SEC31A: variants seen among roughly 807,000 people sequenced by gnomAD.
SEC31A encodes the protein protein transport protein Sec31A.
Under a neutral mutation model 151.0 loss-of-function variants are expected in SEC31A, and 70 were observed. The observed-to-expected ratio is 0.46, with a 90% CI of 0.38 to 0.57. SEC31A has a LOEUF of 0.57. Ranked by LOEUF, SEC31A falls within the 20% of genes least tolerant of loss-of-function variation. The pLI is 0.00. For synonymous variants in SEC31A, 475 were observed against 505.9 expected (o/e 0.94, Z 0.82); for missense variants, 1,330 against 1,471.2 (o/e 0.90, Z 1.57).
chr4:82,877,497 G>A (rs889320541), intron 4 of SEC31A: 1 of 151,538 alleles, frequency 6.6e-6, no homozygotes, highest in African/African-American at 2.4e-5. Context: ...ACCTACCTCA[G>A]CCTCCCGTGT....
intron 12 of SEC31A, 64 bp downstream of exon 12, chr4:82,863,254 G>T: frequency 1.1e-6 from 1 of 943,862 alleles, no homozygotes; most frequent in South Asian, 1.5e-5. Context: ...AATCTGTGTA[G>T]AACTTTATTT....
chr4:82,864,199 T>C (rs1734799415), intron 11 of SEC31A, among the ~76,000 whole-genome samples, 163 bp downstream of exon 11: 1 of 152,166 alleles, frequency 6.6e-6, no homozygotes. Flanking sequence ...ACTCTGGACA[T>C]AAGTTAGGTT....
intron 3 of SEC31A, chr4:82,899,401 T>G (rs949567630): frequency 6.6e-6 from 1 of 152,258 alleles, no homozygotes; most frequent in Non-Finnish European, 1.5e-5. Context: ...CAACTAATTT[T>G]TTCCTTAAAG....
At chr4:82,851,284 T>C in intron 19 of SEC31A, 147 bp downstream of exon 19, 3 of 599,784 alleles carry the variant, frequency 5.0e-6, no homozygotes, top group South Asian at 2.4e-5. Context: ...CCCTGAAGAA[T>C]TGTCAATAAC....
intron 22 of SEC31A, among the ~76,000 whole-genome samples, chr4:82,837,196 TA>T (rs1727566452): frequency 1.6e-5 from 1 of 61,562 alleles, no homozygotes; most frequent in Non-Finnish European, 4.6e-5. Flanking sequence ...TATATATATA[TA>T]TAATTTCACC....
Position 82,877,178 on chromosome 4 carries a change from A to G in SEC31A, c.403-1356T>C, listed in dbSNP as rs541451117. Among the ~76,000 whole-genome samples the G allele has an allele frequency of 7.2e-5, 11 of 152,270 alleles. No individual in the cohort carries two copies. The South Asian group carries it at 2.3e-3, about 32-fold the overall frequency. On this transcript the variant is annotated intron_variant, in intron 4 of 26. Coordinates refer to ENST00000395310, the MANE Select transcript of SEC31A (RefSeq NM_001077207.4). ...CAGGAGGTCAAGACTGCAGTGAGTC[A>G]TGAGCCACTGCAGTCCAGCCTGGCA...
At chr4:82,858,831 T>C (rs1014209628) in intron 14 of SEC31A, among the ~76,000 whole-genome samples, 2 of 151,482 alleles carry the variant, frequency 1.3e-5, no homozygotes, top group Non-Finnish European at 2.9e-5. Flanking sequence ...GCCTCCCGAG[T>C]AGCTGGGACT....
chr4:82,890,201 CAAAAAAAAAAAA>C, intron 1 of SEC31A, among the ~76,000 whole-genome samples: 1 of 74,932 alleles, frequency 1.3e-5, no homozygotes, highest in Non-Finnish European at 2.5e-5. Context: ...GACTCCGTCT[CAAAAAAAAAAAA>C]AAAAAAAAAA....
chr4:82,890,210 A>G, intron 1 of SEC31A, among the ~76,000 whole-genome samples: 1 of 151,322 alleles, frequency 6.6e-6, no homozygotes, highest in East Asian at 1.9e-4. Context: ...TCAAAAAAAA[A>G]AAAAAAAAAA....
At chr4:82,834,741 C>T (rs1361417092) in intron 22 of SEC31A, among the ~76,000 whole-genome samples, 1 of 152,068 alleles carries the variant, frequency 6.6e-6, no homozygotes, top group African/African-American at 2.4e-5. Flanking sequence ...ATTTAATGTA[C>T]AATTTTGTCT....
chr4:82,849,340 C>T (rs1052751298), intron 19 of SEC31A, among the ~76,000 whole-genome samples: 10 of 152,196 alleles, frequency 6.6e-5, no homozygotes, highest in Middle Eastern at 3.4e-3. Flanking sequence ...TAAGGCCAGG[C>T]GCAGAGGTTC....
Position 82,840,808 on chromosome 4 carries a change from A to T in SEC31A, c.2968+1332T>A, listed in dbSNP as rs143487528. Among the ~76,000 whole-genome samples, 279 of 152,314 alleles carry T rather than the reference A, an allele frequency of 1.8e-3. 2 individuals carry two copies. The Middle Eastern group carries it at 0.02, about 11-fold the overall frequency. On this transcript the variant is annotated intron_variant, in intron 22 of 26. Transcript: ENST00000395310. ...CTAAACATAGAAAAGGTACAGTAAA[A>T]TATGGTACAAAAGATTTAAAACATG...
At chr4:82,887,517 T>G (rs1161506087) in intron 1 of SEC31A, among the ~76,000 whole-genome samples, 1 of 152,230 alleles carries the variant, frequency 6.6e-6, no homozygotes, top group African/African-American at 2.4e-5. Context: ...GCAGACACCC[T>G]CAGTTTAAAT....
At chr4:82,843,828 T>G (rs1179727117) in intron 21 of SEC31A, 1 of 152,214 alleles carries the variant, frequency 6.6e-6, no homozygotes, top group Non-Finnish European at 1.5e-5. Flanking sequence ...ACTGTGGACT[T>G]TGGGTGATAA....
intron 4 of SEC31A, among the ~76,000 whole-genome samples, chr4:82,876,698 T>C (rs889728020): frequency 3.3e-5 from 5 of 152,298 alleles, no homozygotes; most frequent in African/African-American, 4.8e-5. Flanking sequence ...CTCTGGTACA[T>C]ACCTTAAGGG....
chr4:82,820,980 T>A, intron 26 of SEC31A, 57 bp downstream of exon 26: 1 of 1,463,310 alleles, frequency 6.8e-7, no homozygotes, highest in South Asian at 1.2e-5. Context: ...AAGACAACTG[T>A]TTTACTAGCA....
intron 1 of SEC31A, among the ~76,000 whole-genome samples, chr4:82,888,664 G>A (rs1741521630): frequency 6.6e-6 from 1 of 151,318 alleles, no homozygotes; most frequent in African/African-American, 2.4e-5. Context: ...ACTCCAGCCT[G>A]GGTGACAGAG....
intron 3 of SEC31A, among the ~76,000 whole-genome samples, chr4:82,879,799 G>A (rs1738864417): frequency 6.6e-6 from 1 of 152,100 alleles, no homozygotes; most frequent in Admixed American, 6.5e-5. Context: ...CATTACAATA[G>A]GGCATAAGTA....
intron 22 of SEC31A, among the ~76,000 whole-genome samples, chr4:82,838,016 G>A (rs1435977014): frequency 6.6e-6 from 1 of 152,062 alleles, no homozygotes; most frequent in Non-Finnish European, 1.5e-5. Flanking sequence ...GCATGTCACA[G>A]GTTTAAAATG....
Sources: allele counts gnomAD v4.1 joint callset (sites outside exome capture counted in the v4.1 genomes callset), GRCh38; gene constraint gnomAD v4.1.1; transcripts MANE v1.5; gene names NCBI Gene and HGNC (gene_info 2026-07-23, HGNC 2026-07-21).